Variants in ZFHX3 observed in about 807,000 individuals in gnomAD.
ZFHX3 encodes zinc finger homeobox 3, also known as zinc finger homeobox protein 3.
Under a neutral mutation model 279.1 loss-of-function variants are expected in ZFHX3, and 42 were observed. The ratio of observed to expected loss-of-function variants is 0.15; its 90% CI spans 0.12 to 0.19. The LOEUF (loss-of-function observed/expected upper bound fraction) is 0.19. Ranked by LOEUF, ZFHX3 falls within the 10% of genes least tolerant of loss-of-function variation. The pLI is 1.00. For synonymous variants in ZFHX3, 2,293 were observed against 1,957.8 expected, an observed-to-expected ratio of 1.17 and a Z score of -4.52; for missense variants, 4,981 against 4,754.0, an observed-to-expected ratio of 1.05 and a Z score of -1.40.
At chr16:73,529,419 G>A (rs1182691237) in intron 2 of ZFHX3, among the ~76,000 whole-genome samples, 7 of 152,222 alleles carry the variant, frequency 4.6e-5, no homozygotes, top group African/African-American at 1.2e-4. Flanking sequence ...CTCATGTGAT[G>A]TGTTCAAACA....
rs556906557 is a variant in ZFHX3 at position 73,337,705 on chromosome 16, C to T, written c.-1290-19369G>A. ...TCTGCTGCTTGACTTGCTCACTTCT[C>T]ATGACCCTTTTTCCTACCCTTTCTA... On this transcript the variant is annotated intron_variant, in intron 3 of 17. Transcript: ENST00000641206. Among the ~76,000 whole-genome samples, 7 of 152,004 alleles carry T rather than the reference C, an allele frequency of 4.6e-5. No homozygotes were observed. The South Asian group carries it at 1.0e-3, about 23-fold the overall frequency.
chr16:73,872,384 C>G (rs935413160), intron 1 of ZFHX3, among the ~76,000 whole-genome samples: 1 of 151,962 alleles, frequency 6.6e-6, no homozygotes, highest in Admixed American at 6.6e-5. Context: ...TGCCACCATG[C>G]CCAGTTAACT....
chr16:73,268,679 G>A (rs528844516), intron 4 of ZFHX3, among the ~76,000 whole-genome samples: 1 of 152,284 alleles, frequency 6.6e-6, no homozygotes, highest in East Asian at 1.9e-4. Context: ...AGAGGGCTCG[G>A]GGCGCACCTG....
intron 1 of ZFHX3, among the ~76,000 whole-genome samples, chr16:73,688,923 T>G (rs1274316625): frequency 2.0e-5 from 3 of 152,198 alleles, no homozygotes; most frequent in Non-Finnish European, 4.4e-5. Flanking sequence ...GCCTTTCACC[T>G]TCCACCATGA....
intron 3 of ZFHX3, among the ~76,000 whole-genome samples, chr16:73,395,011 A>G (rs7188767): frequency 0.82 from 124,897 of 152,160 alleles, 51,484 homozygotes; most frequent in Non-Finnish European, 0.85. Context: ...TTCAATAAGG[A>G]GTGGTTTTGC....
chr16:73,256,878 T>A (rs2013675235), intron 5 of ZFHX3, among the ~76,000 whole-genome samples: 2 of 152,122 alleles, frequency 1.3e-5, no homozygotes, highest in Admixed American at 6.5e-5. Flanking sequence ...AAGTAGGAAC[T>A]AGAATGCATT....
intron 1 of ZFHX3, among the ~76,000 whole-genome samples, chr16:73,684,802 G>A (rs889377245): frequency 2.7e-5 from 4 of 150,510 alleles, no homozygotes; most frequent in African/African-American, 9.9e-5. Flanking sequence ...CTGGGTTCAA[G>A]CAATTCTCCT....
intron 1 of ZFHX3, among the ~76,000 whole-genome samples, chr16:72,984,094 G>A (rs773028966): frequency 6.6e-6 from 1 of 152,104 alleles, no homozygotes; most frequent in African/African-American, 2.4e-5. Context: ...GCTCCTTCAA[G>A]CACAGGCCTC....
intron 4 of ZFHX3, among the ~76,000 whole-genome samples, chr16:73,288,255 C>T (rs953513098): frequency 7.2e-5 from 11 of 151,942 alleles, no homozygotes; most frequent in African/African-American, 2.4e-4. Flanking sequence ...ATGAAAGCAG[C>T]CAGAATTATT....
chr16:72,962,397 T>C (rs1961623108), intron 1 of ZFHX3, among the ~76,000 whole-genome samples: 1 of 152,156 alleles, frequency 6.6e-6, no homozygotes, highest in African/African-American at 2.4e-5. Flanking sequence ...AAGCGGAAGA[T>C]GTCAGGAAAG....
intron 1 of ZFHX3, among the ~76,000 whole-genome samples, chr16:73,792,641 T>C (rs765910281): frequency 5.3e-5 from 8 of 152,180 alleles, no homozygotes; most frequent in Non-Finnish European, 1.0e-4. Flanking sequence ...GGTGAAATTG[T>C]GGACCTAAGG....
intron 8 of ZFHX3, among the ~76,000 whole-genome samples, chr16:73,091,381 T>A (rs1446307444): frequency 6.6e-6 from 1 of 152,198 alleles, no homozygotes; most frequent in Admixed American, 6.5e-5. Flanking sequence ...GCTGCAGGGC[T>A]GTGATTCCCA....
chr16:73,784,511 G>T (rs1597114157), intron 1 of ZFHX3, among the ~76,000 whole-genome samples: 1 of 152,008 alleles, frequency 6.6e-6, no homozygotes, highest in South Asian at 2.1e-4. Flanking sequence ...CACTTTGGGA[G>T]GCCAAAGCAG....
chr16:73,298,217 AT>A (rs764184367), intron 4 of ZFHX3, among the ~76,000 whole-genome samples: 2,201 of 138,294 alleles, frequency 0.016, 30 homozygotes, highest in South Asian at 0.069. Context: ...AAAAATCAGA[AT>A]TTTTTTTTTT....
At chr16:72,857,341 G>A (rs1483777446) in intron 4 of ZFHX3, among the ~76,000 whole-genome samples, 1 of 152,176 alleles carries the variant, frequency 6.6e-6, no homozygotes, top group Non-Finnish European at 1.5e-5. Flanking sequence ...CCCCATTTGG[G>A]TTTCACAAGG....
chr16:73,287,551 T>G (rs1197748485), intron 4 of ZFHX3, among the ~76,000 whole-genome samples: 1 of 144,674 alleles, frequency 6.9e-6, no homozygotes, highest in African/African-American at 2.6e-5. Context: ...TGGGTCAGTG[T>G]GTGGCTGTGT....
chr16:73,401,371 A>AAAACAAAACACACACACACACAC lies in ZFHX3; in HGVS notation c.-1291+54631_-1291+54632insGTGTGTGTGTGTGTGTTTTGTTT, dbSNP rs2017249632. The stretch of plus-strand genomic sequence containing the variant: ...ATTTAAAACAAAAAACAAAAAACAA[A>AAAACAAAACACACACACACACAC]ACACACACACACACACACACACACA... On this transcript the variant is annotated intron_variant, in intron 3 of 17. Coordinates refer to the ZFHX3 transcript ENST00000641206. 9 of 120,912 alleles carry AAAACAAAACACACACACACACAC rather than the reference A, an allele frequency of 7.4e-5. No individual in the cohort carries two copies. The South Asian group carries it at 2.2e-3, about 30-fold the overall frequency. 7.5% of individuals were successfully genotyped at this position (120,912 alleles called of 1,614,324 possible).
chr16:72,922,102 A>G (rs1365445687), intron 3 of ZFHX3, among the ~76,000 whole-genome samples: 1 of 152,140 alleles, frequency 6.6e-6, no homozygotes, highest in African/African-American at 2.4e-5. Flanking sequence ...AGTCACCGAA[A>G]CAGCAGACCT....
chr16:73,292,576 C>T (rs1460572168), intron 4 of ZFHX3, among the ~76,000 whole-genome samples: 1 of 152,202 alleles, frequency 6.6e-6, no homozygotes, highest in Non-Finnish European at 1.5e-5. Context: ...TCTTTTATGT[C>T]CATCAGCTCC....
Sources: gnomAD v4.1 joint callset for allele counts (sites outside exome capture counted in the v4.1 genomes callset) on GRCh38, gnomAD v4.1.1 for gene constraint, MANE v1.5 for transcripts, NCBI Gene and HGNC (gene_info 2026-07-23, HGNC 2026-07-21) for gene names.